The following PCDH17 variants were observed in gnomAD, a reference collection of about 807,000 sequenced individuals.
The protein encoded by PCDH17 is protocadherin 17, also known as protocadherin-17.
PCDH17 carries 21 observed loss-of-function variants against 67.7 expected under a neutral mutation model. The ratio of observed to expected loss-of-function variants is 0.31; its 90% CI spans 0.22 to 0.45. The LOEUF (loss-of-function observed/expected upper bound fraction) is 0.45, where lower values mean the gene tolerates loss of function less well. PCDH17 is among the 20% of genes least tolerant of loss of function. The pLI, the probability that PCDH17 is intolerant of heterozygous loss-of-function variation, is 1.00. For missense variants in PCDH17, 1,471 were observed against 1,564.8 expected, an observed-to-expected ratio of 0.94 and a Z score of 1.01; for synonymous variants, 701 against 656.7, an observed-to-expected ratio of 1.07 and a Z score of -1.03.
chr13:57,720,217 G>C (rs1425742335), intron 3 of PCDH17, among the ~76,000 whole-genome samples: 1 of 151,948 alleles, frequency 6.6e-6, no homozygotes, highest in Non-Finnish European at 1.5e-5. Context: ...AAAAGAGAGA[G>C]AGAGCTTTCA....
intron 1 of PCDH17, among the ~76,000 whole-genome samples, chr13:57,664,202 CT>C (rs1381764599): frequency 5.3e-5 from 8 of 152,128 alleles, no homozygotes; most frequent in Non-Finnish European, 8.8e-5. Context: ...TCCACCTGGC[CT>C]TTCTTTGGCT....
intron 1 of PCDH17, among the ~76,000 whole-genome samples, chr13:57,643,448 A>G (rs1954927834): frequency 6.6e-6 from 1 of 151,596 alleles, no homozygotes; most frequent in Non-Finnish European, 1.5e-5. Context: ...AAAAATAATT[A>G]CTTCAATTTC....
At position 57,634,159 on chromosome 13, in the gene PCDH17, G is replaced by GC; in HGVS notation, c.1614dup (p.Ser539LeufsTer3). 6.2e-7 allele frequency: 1 copy of GC among 1,613,612 alleles called. No individual in the cohort carries two copies. ...ACGAACGGGGCCATCTACGCCCTGCGCTCCTTTAACTTCGAGCAGACCAAG... is the reference window on the plus strand; with the variant it reads ...ACGAACGGGGCCATCTACGCCCTGCGCCTCCTTTAACTTCGAGCAGACCAAG... On this transcript the variant is annotated frameshift_variant, in exon 1 of 4. Transcript: ENST00000377918. LOFTEE classifies it high-confidence loss of function. This position sits in a 1 kb window ranked among gnomAD's most constrained non-coding sequence, Gnocchi z 7.8.
chr13:57,696,594 T>C (rs562889939), intron 3 of PCDH17, among the ~76,000 whole-genome samples: 1 of 151,596 alleles, frequency 6.6e-6, no homozygotes, highest in Non-Finnish European at 1.5e-5. Flanking sequence ...CAGCCTGTCT[T>C]ATATGGTATC....
chr13:57,653,307 G>A (rs931868511), intron 1 of PCDH17, among the ~76,000 whole-genome samples: 1 of 152,064 alleles, frequency 6.6e-6, no homozygotes, highest in African/African-American at 2.4e-5. Context: ...TAGGAAGAAA[G>A]CCATTCCAGG....
intron 3 of PCDH17, among the ~76,000 whole-genome samples, chr13:57,721,648 C>T (rs1566248832): frequency 6.6e-6 from 1 of 151,980 alleles, no homozygotes; most frequent in Non-Finnish European, 1.5e-5. Flanking sequence ...TTGTCTTAAA[C>T]AAACCCTTTC....
intron 3 of PCDH17, among the ~76,000 whole-genome samples, chr13:57,711,301 A>G (rs1955773872): frequency 6.6e-6 from 1 of 151,920 alleles, no homozygotes; most frequent in Admixed American, 6.6e-5. Flanking sequence ...AACCATGGCC[A>G]TTTACCAACA....
At chr13:57,660,135 A>T (rs184674329) in intron 1 of PCDH17, among the ~76,000 whole-genome samples, 1 of 152,270 alleles carries the variant, frequency 6.6e-6, no homozygotes, top group African/African-American at 2.4e-5. Flanking sequence ...AGTTCCAATT[A>T]CTTGCGCGGC....
At chr13:57,637,520 T>A (rs1166088233) in intron 1 of PCDH17, among the ~76,000 whole-genome samples, 1 of 151,896 alleles carries the variant, frequency 6.6e-6, no homozygotes, top group African/African-American at 2.4e-5. Flanking sequence ...TATCCCATAA[T>A]CTTGTTTCAG....
At chr13:57,659,864 A>T (rs978139593) in intron 1 of PCDH17, among the ~76,000 whole-genome samples, 26 of 152,144 alleles carry the variant, frequency 1.7e-4, no homozygotes, top group Non-Finnish European at 3.4e-4. Flanking sequence ...TGCAGTTTGA[A>T]ATTTTTATGT....
chr13:57,633,731 A>C lies in PCDH17; in HGVS notation c.1185A>C (p.Gly395=), dbSNP rs764999913. 2 of 1,474,570 alleles carry C rather than the reference A, an allele frequency of 1.4e-6. No individual in the cohort carries two copies. The highest frequency in any genetic ancestry group is 2.3e-5 in the South Asian group (2 of 88,370). The allele number at this position is 1,474,570 out of a possible 1,614,324, so 91.3% of individuals were successfully genotyped here. A position where few individuals can be genotyped will look rare whatever the true frequency, so the allele number is the denominator to read the frequency against. ...TGCAGTGTCGGGTCCTAGGCGGAGGAGGGACGGGCGGCGGCGGGGGCCTGG... is the reference window on the plus strand; with the variant it reads ...TGCAGTGTCGGGTCCTAGGCGGAGGCGGGACGGGCGGCGGCGGGGGCCTGG... ...GQLQCRVLGG[G]GTGGGGGLGG... Residue 395 remains glycine, a synonymous_variant, in exon 1 of 4, where the codon GGA becomes GGC. Coordinates refer to ENST00000377918, the MANE Select transcript of PCDH17 (RefSeq NM_001040429.3). This position sits in a 1 kb window ranked among gnomAD's most constrained non-coding sequence, Gnocchi z 6.2.
rs146333612 is a variant in PCDH17, at chr13:57,728,517, TAAAAAAAAAAAA to T, written c.*3235_*3246del. ...TTCTAAAAATTGCTTGCAGATGAGCTAAAAAAAAAAAAAAAAAAAAAAAGCAACAAAATAACC... is the reference window on the plus strand; with the variant it reads ...TTCTAAAAATTGCTTGCAGATGAGCTAAAAAAAAAAAGCAACAAAATAACC... On this transcript the variant is annotated 3_prime_UTR_variant, in exon 4 of 4. Transcript: ENST00000377918. 1 of 70,814 alleles carries T rather than the reference TAAAAAAAAAAAA, an allele frequency of 1.4e-5. No homozygotes were observed. Among genetic ancestry groups the T allele is most frequent in the Non-Finnish European group, 2.7e-5 (1 of 37,028 alleles). 4.4% of individuals were successfully genotyped at this position (70,814 alleles called of 1,614,324 possible).
At chr13:57,654,700 G>T (rs960146878) in intron 1 of PCDH17, among the ~76,000 whole-genome samples, 5 of 151,910 alleles carry the variant, frequency 3.3e-5, no homozygotes, top group African/African-American at 1.2e-4. Flanking sequence ...TTAATTAAAA[G>T]TATATTGACA....
chr13:57,657,789 G>A (rs963829748), intron 1 of PCDH17, among the ~76,000 whole-genome samples: 3 of 152,082 alleles, frequency 2.0e-5, no homozygotes, highest in Admixed American at 1.3e-4. Flanking sequence ...TGTACCCCTG[G>A]ATTAGGAAAA....
At chr13:57,660,030 C>T (rs4396430) in intron 1 of PCDH17, among the ~76,000 whole-genome samples, 122,951 of 152,030 alleles carry the variant, frequency 0.81, 49,850 homozygotes, top group South Asian at 0.89. Flanking sequence ...CTCATGAGTT[C>T]GAGTTCGAGA....
rs769606349 is a variant in PCDH17 at position 57,632,994 on chromosome 13, C to G, written c.448C>G (p.Arg150Gly). 4.3e-6 allele frequency: 7 copies of G among 1,613,052 alleles called. No individual in the cohort carries two copies. Among genetic ancestry groups the G allele is most frequent in the Non-Finnish European group, 5.1e-6 (6 of 1,180,002 alleles). ...DISENAAPGT[R>G]FPLTSAHDPD... ...CTCGGAGAACGCTGCTCCGGGCACC[C>G]GCTTCCCCCTCACCAGCGCACATGA... Residue 150 changes from arginine (R) to glycine (G), a missense_variant, in exon 1 of 4, where the codon CGC becomes GGC. Arg to Gly is a moderately radical substitution (Grantham distance 125, BLOSUM62 -2). Coordinates refer to ENST00000377918, the MANE Select transcript of PCDH17 (RefSeq NM_001040429.3).
At position 57,729,240 on chromosome 13, in the gene PCDH17, A is replaced by G. The variant is rs1276788362; in HGVS notation, c.*3946A>G. 3.3e-5 allele frequency: 5 copies of G among 152,122 alleles called. No homozygotes were observed. Among genetic ancestry groups the G allele is most frequent in the South Asian group, 2.1e-4 (1 of 4,834 alleles). The allele number at this position is 152,122 out of a possible 1,614,324, so 9.4% of individuals were successfully genotyped here. A position where few individuals can be genotyped will look rare whatever the true frequency, so the allele number is the denominator to read the frequency against. ...CATTGTATGGATTTATCTCAACGCT[A>G]TTGTTTAATGGCTGTGTTTAATGTG... On this transcript the variant is annotated 3_prime_UTR_variant, in exon 4 of 4. Coordinates refer to ENST00000377918, the MANE Select transcript of PCDH17 (RefSeq NM_001040429.3).
chr13:57,679,934 T>C (rs1435694894), intron 3 of PCDH17, among the ~76,000 whole-genome samples: 7 of 151,478 alleles, frequency 4.6e-5, no homozygotes, highest in Admixed American at 3.3e-4. Flanking sequence ...CATGGGGTTA[T>C]GTTTTGATGT....
At chr13:57,684,114 GTTTC>G (rs1208016302) in intron 3 of PCDH17, among the ~76,000 whole-genome samples, 1 of 151,748 alleles carries the variant, frequency 6.6e-6, no homozygotes, top group Non-Finnish European at 1.5e-5. Context: ...AGTTTTCCAG[GTTTC>G]TTTCTTTCAT....
Sources: allele counts gnomAD v4.1 joint callset (sites outside exome capture counted in the v4.1 genomes callset), GRCh38; gene constraint gnomAD v4.1.1; non-coding constraint Gnocchi (gnomAD v3.1); transcripts MANE v1.5; gene names NCBI Gene and HGNC (gene_info 2026-07-23, HGNC 2026-07-21).